The following KRT84 variants were observed in gnomAD, a reference collection of about 807,000 sequenced individuals.
The protein encoded by KRT84 is keratin, type II cuticular Hb4.
Under a neutral mutation model 49.0 loss-of-function variants are expected in KRT84, and 38 were observed. That is an observed-to-expected ratio of 0.78 (90% CI 0.60 to 1.02). KRT84 has a LOEUF of 1.02. Ranked by LOEUF, KRT84 falls within the 50% of genes least tolerant of loss-of-function variation. The pLI, the probability that KRT84 is intolerant of heterozygous loss-of-function variation, is 0.00. For synonymous variants in KRT84, 334 were observed against 312.8 expected (o/e 1.07, Z -0.72); for missense variants, 860 against 788.6 (o/e 1.09, Z -1.08).
intron 1 of KRT84, 52 bp downstream of exon 1, chr12:52,384,988 C>T (rs1732303): frequency 0.78 from 1,196,452 of 1,538,510 alleles, 467,064 homozygotes; most frequent in African/African-American, 0.93. Flanking sequence ...AGCACTCTAG[C>T]GCATTTTGGC....
chr12:52,382,934 T>G, intron 3 of KRT84, 71 bp downstream of exon 3: 2 of 1,337,776 alleles, frequency 1.5e-6, no homozygotes, highest in South Asian at 1.2e-5. Flanking sequence ...GCCTGAGCAG[T>G]TTCCTGGGGA....
rs759769085 is a variant in KRT84 at position 52,385,595 on chromosome 12, C to T, written c.-10G>A. The T allele has an allele frequency of 8.7e-6, 14 of 1,609,862 alleles. No individual in the cohort carries two copies. Among genetic ancestry groups the T allele is most frequent in the Non-Finnish European group, 1.2e-5 (14 of 1,177,674 alleles). Reference sequence around the variant, plus strand: ...AGGAGCGGCAAGACATGATGGCTTCCTGGTTGGGAGCAAAAGAGCAAGTGT... The same window carrying T: ...AGGAGCGGCAAGACATGATGGCTTCTTGGTTGGGAGCAAAAGAGCAAGTGT... On this transcript the variant is annotated 5_prime_UTR_variant, in exon 1 of 9. Transcript: ENST00000257951.
chr12:52,385,074 G>T lies in KRT84; in HGVS notation c.512C>A (p.Thr171Asn), dbSNP rs1939549870. 6.2e-7 allele frequency: 1 copy of T among 1,607,680 alleles called. No individual in the cohort carries two copies. The highest frequency in any genetic ancestry group is 1.3e-5 in the African/African-American group (1 of 74,700). Residue 171 changes from threonine to asparagine, a missense_variant, in exon 1 of 9, where the codon ACC (threonine) becomes AAC (asparagine). Coordinates refer to ENST00000257951, the MANE Select transcript of KRT84 (RefSeq NM_033045.4). ...GAAGGAGGCAAACTTGTTGTTGAGG[G>T]TCTTGATTTGCTCCTTCTCATCCTT... ...VKKDEKEQIK[T>N]LNNKFASFID...
rs191761110 is a variant in KRT84, at chr12:52,380,363, C to A, written c.1424G>T (p.Arg475Leu). The A allele has an allele frequency of 6.2e-7, 1 of 1,613,816 alleles. No homozygotes were observed. The change falls in exon 7 of 9, where the codon CGG becomes CTG. Residue 475 changes from arginine (R) to leucine (L), a missense_variant and splice_region_variant. Coordinates refer to ENST00000257951, the MANE Select transcript of KRT84 (RefSeq NM_033045.4). ...CTCCTGCTGGACTGAGAGTACTCAC[C>A]GGCTCTCCTCGCCCTCCAGCAGGCG... is the stretch of plus-strand genomic sequence containing the variant. ...YRRLLEGEES[R>L]LCEGVGPVNI...
chr12:52,380,576 T>C lies in KRT84; in HGVS notation c.1211A>G (p.Lys404Arg). 1.2e-6 allele frequency: 2 copies of C among 1,611,060 alleles called. No individual in the cohort carries two copies. Among genetic ancestry groups the C allele is most frequent in the Non-Finnish European group, 1.7e-6 (2 of 1,178,552 alleles). ...EIEHAKAQRAKLEAAVAEAEQ... is the reference protein window; with the variant it reads ...EIEHAKAQRARLEAAVAEAEQ... ...GGCCTCGGCCACTGCAGCCTCCAAC[T>C]TGGCACGCTGCAGGGAAGGCAGTTT... The change falls in exon 7 of 9, where the codon AAG (lysine) becomes AGG (arginine). Residue 404 changes from lysine (K) to arginine (R), a missense_variant. Coordinates refer to ENST00000257951, the MANE Select transcript of KRT84 (RefSeq NM_033045.4).
In KRT84 at chr12:52,378,090, G is replaced by A. The variant is rs1022162839; in HGVS notation, c.1747C>T (p.Arg583Cys). 2.0e-5 allele frequency: 30 copies of A among 1,499,124 alleles called. No homozygotes were observed. The highest frequency in any genetic ancestry group is 2.4e-5 in the Admixed American group (1 of 41,506). 92.9% of individuals were successfully genotyped at this position (1,499,124 alleles called of 1,614,324 possible). ...QGGFSSCSGGRSSSVRFVSTT... is the reference protein window; with the variant it reads ...QGGFSSCSGGCSSSVRFVSTT... ...GACACAAAGCGGACGCTGGAGCTGCGGCCGCCGCTGCAGCTGCTGAAGCCC... is the reference window on the plus strand; with the variant it reads ...GACACAAAGCGGACGCTGGAGCTGCAGCCGCCGCTGCAGCTGCTGAAGCCC... Residue 583 changes from arginine (R) to cysteine (C), a missense_variant, in exon 9 of 9, where the codon CGC becomes TGC. Arg to Cys is a radical substitution (Grantham distance 180, BLOSUM62 -3). Coordinates refer to ENST00000257951, the MANE Select transcript of KRT84 (RefSeq NM_033045.4).
rs779006347 is a variant in KRT84 at position 52,380,611 on chromosome 12, C to T, written c.1204-28G>A. 5.1e-6 allele frequency: 8 copies of T among 1,572,224 alleles called. No individual in the cohort carries two copies. In the South Asian group the frequency reaches 9.2e-5, roughly 18 times the overall value. ...GCAGGGAAGGCAGTTTGCAGGTAGG[C>T]TTCGGCAGTGCCAGGGCATCCCCAG... On this transcript the variant is annotated intron_variant, in intron 6 of 8. Transcript: ENST00000257951.
At chr12:52,384,539 T>C (rs1044267910) in intron 1 of KRT84, among the ~76,000 whole-genome samples, 1 of 152,158 alleles carries the variant, frequency 6.6e-6, no homozygotes, top group African/African-American at 2.4e-5. Flanking sequence ...GGGGTATGAA[T>C]TCTTCTTCTT....
Position 52,383,794 on chromosome 12 carries a change from C to G in KRT84, c.551G>C (p.Arg184Pro), listed in dbSNP as rs1613931. Residue 184 changes from arginine (R) to proline (P), a missense_variant, in exon 2 of 9, where the codon CGG (arginine) becomes CCG (proline). Transcript: ENST00000257951. ...GAGCTTATTCTGCTGCTCTAGGAAC[C>G]GAACCTAAATCCACAGGGCACAGAA... is the stretch of plus-strand genomic sequence containing the variant. ...NKFASFIDKV[R>P]FLEQQNKLLE... 6.3e-7 allele frequency: 1 copy of G among 1,587,924 alleles called. No individual in the cohort carries two copies. The highest frequency in any genetic ancestry group is 1.4e-5 in the African/African-American group (1 of 73,232).
Position 52,385,420 on chromosome 12 carries a change from T to G in KRT84, c.166A>C (p.Ile56Leu). The G allele has an allele frequency of 6.2e-7, 1 of 1,614,136 alleles. No individual in the cohort carries two copies. Among genetic ancestry groups the G allele is most frequent in the Non-Finnish European group, 8.5e-7 (1 of 1,180,010 alleles). ...GLGSFGSRSV[I>L]TFGSYSPRIA... ...CGGGGTGAGTACGATCCAAAGGTGA[T>G]GACACTCCGACTACCAAAGCTGCCA... Residue 56 changes from isoleucine to leucine, a missense_variant, in exon 1 of 9, where the codon ATC (isoleucine) becomes CTC (leucine). Coordinates refer to ENST00000257951, the MANE Select transcript of KRT84 (RefSeq NM_033045.4).
In KRT84 at chr12:52,385,238, G is replaced by A. The variant is rs527295788; in HGVS notation, c.348C>T (p.Gly116=). The A allele has an allele frequency of 1.1e-5, 17 of 1,614,036 alleles. No individual in the cohort carries two copies. Among genetic ancestry groups the A allele is most frequent in the Non-Finnish European group, 1.2e-5 (14 of 1,180,006 alleles). The change falls in exon 1 of 9, where the codon GGC becomes GGT. Residue 116 remains glycine, a synonymous_variant. Coordinates refer to ENST00000257951, the MANE Select transcript of KRT84 (RefSeq NM_033045.4). ...TGTAACCAAAGCCAGGGCCACCAAA[G>A]CCATAGCCAATGCCACTGCCAGCTC... The part of the protein sequence containing the change: ...GFGAGSGIGY[G]FGGPGFGYRV...
In KRT84 at chr12:52,383,784, C is replaced by T; in HGVS notation, c.561G>A (p.Glu187=). 1 of 1,613,036 alleles carries T rather than the reference C, an allele frequency of 6.2e-7. No homozygotes were observed. Among genetic ancestry groups the T allele is most frequent in the Non-Finnish European group, 8.5e-7 (1 of 1,179,332 alleles). Residue 187 remains glutamate, a synonymous_variant, in exon 2 of 9, where the codon GAG becomes GAA. Transcript: ENST00000257951. ...ASFIDKVRFL[E]QQNKLLETKW... ...TGGTCTCTAGGAGCTTATTCTGCTG[C>T]TCTAGGAACCGAACCTAAATCCACA...
In KRT84 at chr12:52,380,478, C is replaced by G. The variant is rs1247553606; in HGVS notation, c.1309G>C (p.Ala437Pro). 3 of 1,614,148 alleles carry G rather than the reference C, an allele frequency of 1.9e-6. No homozygotes were observed. The highest frequency in any genetic ancestry group is 2.5e-6 in the Non-Finnish European group (3 of 1,179,946). The change falls in exon 7 of 9, where the codon GCC becomes CCC. Residue 437 changes from alanine (A) to proline (P), a missense_variant. Transcript: ENST00000257951. Reference protein sequence around the residue: ...LADLECALQQAKQDMARQLCE... With the variant: ...LADLECALQQPKQDMARQLCE... ...AGCTGCCGCGCCATGTCCTGCTTGG[C>G]CTGCTGCAGGGCACACTCCAGATCT...
At chr12:52,379,281 G>A (rs191882406) in intron 8 of KRT84, among the ~76,000 whole-genome samples, 4 of 152,354 alleles carry the variant, frequency 2.6e-5, no homozygotes, top group Non-Finnish European at 4.4e-5. Flanking sequence ...GGGCAAAACA[G>A]GGATGCCAGT....
rs1939411785 is a variant in KRT84, at chr12:52,377,856, A to G, written c.*178T>C. ...GCTAATGGAGCATCTACATGGCAGA[A>G]AAATCCTCCAAGAGGACATGGGGCC... is the stretch of plus-strand genomic sequence containing the variant. On this transcript the variant is annotated 3_prime_UTR_variant, in exon 9 of 9. Coordinates refer to ENST00000257951, the MANE Select transcript of KRT84 (RefSeq NM_033045.4). 2 of 440,134 alleles carry G rather than the reference A, an allele frequency of 4.5e-6. No homozygotes were observed. The highest frequency in any genetic ancestry group is 7.8e-6 in the Non-Finnish European group (2 of 255,992). The allele number at this position is 440,134 out of a possible 1,614,324, so 27.3% of individuals were successfully genotyped here. A position where few individuals can be genotyped will look rare whatever the true frequency, so the allele number is the denominator to read the frequency against.
chr12:52,384,946 C>T (rs1244566213), intron 1 of KRT84, 94 bp downstream of exon 1: 72 of 1,317,888 alleles, frequency 5.5e-5, no homozygotes, highest in Non-Finnish European at 7.3e-5. Flanking sequence ...GGTCAAGTCC[C>T]CAGAACCGGG....
chr12:52,379,683 A>T (rs774075092), intron 8 of KRT84, among the ~76,000 whole-genome samples, 193 bp downstream of exon 8: 4 of 152,208 alleles, frequency 2.6e-5, no homozygotes, highest in Non-Finnish European at 4.4e-5. Flanking sequence ...GCTCTGGGGA[A>T]GGCAGGCTCT....
Position 52,385,262 on chromosome 12 carries a change from T to C in KRT84, c.324A>G (p.Gly108=). The C allele has an allele frequency of 6.2e-7, 1 of 1,613,696 alleles. No individual in the cohort carries two copies. Among genetic ancestry groups the C allele is most frequent in the Non-Finnish European group, 8.5e-7 (1 of 1,179,984 alleles). Reference sequence around the variant, plus strand: ...AGCCATAGCCAATGCCACTGCCAGCTCCAAAGCCCAGACCAACACAGCTGT... The same window carrying C: ...AGCCATAGCCAATGCCACTGCCAGCCCCAAAGCCCAGACCAACACAGCTGT... ...RADSCVGLGF[G]AGSGIGYGFG... The change falls in exon 1 of 9, where the codon GGA becomes GGG. Residue 108 remains glycine, a synonymous_variant. Coordinates refer to ENST00000257951, the MANE Select transcript of KRT84 (RefSeq NM_033045.4).
At position 52,383,812 on chromosome 12, in the gene KRT84, G is replaced by A. The variant is rs1939529129; in HGVS notation, c.547-14C>T. 5 of 1,605,860 alleles carry A rather than the reference G, an allele frequency of 3.1e-6. No individual in the cohort carries two copies. In the African/African-American group the frequency reaches 5.4e-5, roughly 17 times the overall value. On this transcript the variant is annotated splice_polypyrimidine_tract_variant and intron_variant, in intron 1 of 8. Transcript: ENST00000257951. ...TAGGAACCGAACCTAAATCCACAGG[G>A]CACAGAAATGGCATTTGAAGTGCTT...
Sources: gnomAD v4.1 joint callset for allele counts (sites outside exome capture counted in the v4.1 genomes callset) on GRCh38, gnomAD v4.1.1 for gene constraint, MANE v1.5 for transcripts, NCBI Gene and HGNC (gene_info 2026-07-23, HGNC 2026-07-21) for gene names.